LSM12: variants seen among roughly 807,000 people sequenced by gnomAD.
LSM12 encodes LSM12 homolog, also known as protein LSM12.
For missense variants in LSM12, 108 were observed against 238.9 expected (o/e 0.45, Z 3.61); for synonymous variants, 74 against 87.3 (o/e 0.85, Z 0.85).
chr17:44,048,537 C>A (rs563986384), intron 2 of LSM12, among the ~76,000 whole-genome samples: 1 of 149,984 alleles, frequency 6.7e-6, no homozygotes, highest in South Asian at 2.1e-4. Flanking sequence ...ACCCATACTA[C>A]ACCCATTTTC....
chr17:44,042,954 C>A (rs558396494), intron 2 of LSM12, among the ~76,000 whole-genome samples: 143 of 152,186 alleles, frequency 9.4e-4, no homozygotes, highest in African/African-American at 3.3e-3. Context: ...CCACCCACCT[C>A]AGCCTCCCAA....
chr17:44,041,600 C>T (rs1044931998), intron 2 of LSM12, among the ~76,000 whole-genome samples: 1 of 152,182 alleles, frequency 6.6e-6, no homozygotes, highest in Non-Finnish European at 1.5e-5. Flanking sequence ...CTGAATTCTA[C>T]GTCATGTCTG....
intron 2 of LSM12, among the ~76,000 whole-genome samples, chr17:44,051,552 C>T (rs981101889): frequency 8.6e-5 from 13 of 151,582 alleles, no homozygotes; most frequent in Admixed American, 7.9e-4. Context: ...GACCCTATCT[C>T]GGGGAGGGGG....
intron 2 of LSM12, among the ~76,000 whole-genome samples, chr17:44,061,522 T>C (rs1033412253): frequency 3.3e-5 from 5 of 152,248 alleles, no homozygotes; most frequent in African/African-American, 1.2e-4. Context: ...TCCAAATCTG[T>C]CCCTGGCCAT....
At chr17:44,065,922 C>G (rs1020622854) in intron 1 of LSM12, among the ~76,000 whole-genome samples, 1 of 152,040 alleles carries the variant, frequency 6.6e-6, no homozygotes, top group African/African-American at 2.4e-5. Context: ...AGCTCAGATA[C>G]AAACTCTGCC....
chr17:44,059,358 G>A (rs943004291), intron 2 of LSM12, among the ~76,000 whole-genome samples: 9 of 152,042 alleles, frequency 5.9e-5, no homozygotes, highest in African/African-American at 1.2e-4. Context: ...GGAGGCCGAC[G>A]CAGGTGGATT....
chr17:44,057,414 C>G (rs2049731027), intron 2 of LSM12, among the ~76,000 whole-genome samples: 1 of 150,450 alleles, frequency 6.6e-6, no homozygotes, highest in Non-Finnish European at 1.5e-5. Flanking sequence ...TCTCAAAGTG[C>G]TAGGACTACA....
chr17:44,036,493 T>C (rs1232512236), intron 4 of LSM12, among the ~76,000 whole-genome samples, 193 bp from the exon 5 acceptor site: 1 of 152,182 alleles, frequency 6.6e-6, no homozygotes, highest in East Asian at 1.9e-4. Flanking sequence ...CCACATTTTT[T>C]TGCAGTTTCC....
intron 2 of LSM12, among the ~76,000 whole-genome samples, chr17:44,054,116 T>C (rs1480833451): frequency 6.6e-6 from 1 of 152,178 alleles, no homozygotes; most frequent in Non-Finnish European, 1.5e-5. Context: ...TTCCATGTCC[T>C]ATAAGGCCAA....
At chr17:44,038,355 C>CA (rs767523063) in intron 3 of LSM12, among the ~76,000 whole-genome samples, 2,725 of 61,620 alleles carry the variant, frequency 0.044, 85 homozygotes, top group African/African-American at 0.12. Flanking sequence ...GACCCTGTCT[C>CA]AAAAAAAAAA....
intron 2 of LSM12, among the ~76,000 whole-genome samples, chr17:44,044,910 TAGTA>T (rs747004333): frequency 6.6e-5 from 10 of 152,318 alleles, no homozygotes; most frequent in South Asian, 2.1e-4. Flanking sequence ...TATTCCAAGT[TAGTA>T]AGTTTATGGT....
At chr17:44,043,220 G>C (rs893175826) in intron 2 of LSM12, among the ~76,000 whole-genome samples, 1 of 152,222 alleles carries the variant, frequency 6.6e-6, no homozygotes, top group East Asian at 1.9e-4. Context: ...CAGCCTCCCC[G>C]GGTAAGAGAG....
chr17:44,058,332 T>G (rs2049748144), intron 2 of LSM12, among the ~76,000 whole-genome samples: 1 of 152,136 alleles, frequency 6.6e-6, no homozygotes, highest in East Asian at 1.9e-4. Flanking sequence ...CTGATCTACT[T>G]GGTTCATTCC....
rs568035256 is a variant in LSM12 at position 44,055,003 on chromosome 17, T to A, written c.258+8798A>T. Among the ~76,000 whole-genome samples the A allele has an allele frequency of 7.5e-4, 114 of 152,094 alleles. 2 individuals are homozygous for A. The highest frequency in any genetic ancestry group is 2.7e-3 in the African/African-American group (112 of 41,506). On this transcript the variant is annotated intron_variant, in intron 2 of 4. Coordinates refer to ENST00000293406, the MANE Select transcript of LSM12 (RefSeq NM_001371445.1). Reference sequence around the variant, plus strand: ...ACAGGCGTGTGCCACCACGCCCGGCTAATTTTTCATTTTTAGTAGAGTATT... The same window carrying A: ...ACAGGCGTGTGCCACCACGCCCGGCAAATTTTTCATTTTTAGTAGAGTATT...
At chr17:44,057,051 G>A (rs1228356468) in intron 2 of LSM12, among the ~76,000 whole-genome samples, 1 of 152,024 alleles carries the variant, frequency 6.6e-6, no homozygotes, top group Non-Finnish European at 1.5e-5. Flanking sequence ...AGCTACTCGG[G>A]AGGCTGAGAC....
At chr17:44,038,792 C>G (rs1274093815) in intron 3 of LSM12, among the ~76,000 whole-genome samples, 1 of 152,240 alleles carries the variant, frequency 6.6e-6, no homozygotes, top group Non-Finnish European at 1.5e-5. Flanking sequence ...CTGGGAAAAC[C>G]CATTCCAGTT....
chr17:44,039,340 C>G (rs2049457377), intron 3 of LSM12, among the ~76,000 whole-genome samples: 1 of 150,866 alleles, frequency 6.6e-6, no homozygotes, highest in Non-Finnish European at 1.5e-5. Context: ...CAGGCGTGAG[C>G]CACCGTGCCC....
intron 2 of LSM12, among the ~76,000 whole-genome samples, chr17:44,047,749 T>C (rs1401791104): frequency 6.6e-6 from 1 of 150,750 alleles, no homozygotes; most frequent in Admixed American, 6.6e-5. Flanking sequence ...TCTGTTTTTT[T>C]TTTTTTAATT....
intron 2 of LSM12, among the ~76,000 whole-genome samples, chr17:44,049,460 T>C (rs1272501721): frequency 6.6e-6 from 1 of 152,000 alleles, no homozygotes; most frequent in East Asian, 1.9e-4. Flanking sequence ...TTTATTTTTG[T>C]AGAGATGGGG....
Sources: gnomAD v4.1 joint callset for allele counts (sites outside exome capture counted in the v4.1 genomes callset) on GRCh38, gnomAD v4.1.1 for gene constraint, MANE v1.5 for transcripts, NCBI Gene and HGNC (gene_info 2026-07-23, HGNC 2026-07-21) for gene names.